The following CDK6 variants were observed in gnomAD, a reference collection of about 807,000 sequenced individuals.
CDK6 encodes cyclin-dependent kinase 6.
A neutral mutation model predicts 37.1 loss-of-function variants in CDK6; 6 were observed. The ratio of observed to expected loss-of-function variants is 0.16; its 90% CI spans 0.09 to 0.32. The LOEUF (loss-of-function observed/expected upper bound fraction) is 0.32, where lower values mean the gene tolerates loss of function less well. Among genes scored for constraint, CDK6 ranks in the 10% least tolerant of loss-of-function variants. The probability of loss-of-function intolerance (pLI) is 1.00; values close to 1 mark genes in which losing one functional copy is unlikely to be tolerated. For missense variants in CDK6, 224 were observed against 418.9 expected (o/e 0.53, Z 4.06); for synonymous variants, 160 against 161.3 (o/e 0.99, Z 0.06).
chr7:92,776,838 A>AT (rs1799863273), intron 2 of CDK6, among the ~76,000 whole-genome samples: 2 of 151,786 alleles, frequency 1.3e-5, no homozygotes, highest in Non-Finnish European at 1.5e-5. Flanking sequence ...GATTGCAAAA[A>AT]TTTTCTCCCA....
At chr7:92,741,715 C>G (rs1798930532) in intron 3 of CDK6, among the ~76,000 whole-genome samples, 1 of 152,044 alleles carries the variant, frequency 6.6e-6, no homozygotes, top group African/African-American at 2.4e-5. Flanking sequence ...TAGTAAGTCT[C>G]TGGTAAAATT....
intron 4 of CDK6, among the ~76,000 whole-genome samples, chr7:92,678,637 T>C (rs1004304108): frequency 6.6e-6 from 1 of 152,222 alleles, no homozygotes; most frequent in Non-Finnish European, 1.5e-5. Flanking sequence ...ATGTACCCTT[T>C]CACCAAGGTC....
chr7:92,798,817 C>T (rs1027371784), intron 2 of CDK6, among the ~76,000 whole-genome samples: 3 of 152,162 alleles, frequency 2.0e-5, no homozygotes, highest in African/African-American at 7.2e-5. Context: ...GCTCCCAATT[C>T]CTCCCTGCTT....
At chr7:92,746,944 G>A (rs1206414093) in intron 3 of CDK6, among the ~76,000 whole-genome samples, 3 of 151,514 alleles carry the variant, frequency 2.0e-5, no homozygotes, top group Non-Finnish European at 4.4e-5. Flanking sequence ...ATTGTATTTT[G>A]TAGAATCTAT....
chr7:92,608,063 G>C lies in CDK6; in HGVS notation c.*7077C>G. ...AGAAACTTTCAAGTAAGGGTACAAC[G>C]GGTATCTTCAGAACTTTAACCTAAG... On this transcript the variant is annotated 3_prime_UTR_variant, in exon 8 of 8. Coordinates refer to ENST00000424848, the MANE Select transcript of CDK6 (RefSeq NM_001145306.2). The C allele has an allele frequency of 4.3e-6, 1 of 233,018 alleles. No individual in the cohort carries two copies. 14.4% of individuals were successfully genotyped at this position (233,018 alleles called of 1,614,324 possible).
At chr7:92,689,693 C>CT (rs1250640870) in intron 4 of CDK6, among the ~76,000 whole-genome samples, 1 of 152,122 alleles carries the variant, frequency 6.6e-6, no homozygotes, top group African/African-American at 2.4e-5. Flanking sequence ...GTCTTTAGGT[C>CT]TTTGAGGAAT....
intron 4 of CDK6, among the ~76,000 whole-genome samples, chr7:92,704,388 G>A (rs1195013273): frequency 1.3e-5 from 2 of 152,072 alleles, no homozygotes; most frequent in Non-Finnish European, 2.9e-5. Context: ...ATAGCTACTT[G>A]GGTGCTCAGA....
intron 2 of CDK6, among the ~76,000 whole-genome samples, chr7:92,810,235 G>T (rs1193604191): frequency 6.6e-6 from 1 of 152,152 alleles, no homozygotes; most frequent in Non-Finnish European, 1.5e-5. Flanking sequence ...CAAATAAACA[G>T]CATGCCTTTG....
intron 4 of CDK6, among the ~76,000 whole-genome samples, chr7:92,687,510 G>C (rs546517514): frequency 3.5e-4 from 53 of 152,312 alleles, no homozygotes; most frequent in African/African-American, 1.3e-3. Context: ...CCATGTGTTT[G>C]TGTAATTCTG....
chr7:92,823,121 C>A (rs1473911247), intron 2 of CDK6, among the ~76,000 whole-genome samples: 1 of 150,980 alleles, frequency 6.6e-6, no homozygotes, highest in African/African-American at 2.4e-5. Context: ...CAAACCTATA[C>A]CATCTTTCCT....
At chr7:92,701,562 CA>C (rs903518408) in intron 4 of CDK6, 2 of 152,232 alleles carry the variant, frequency 1.3e-5, no homozygotes, top group African/African-American at 4.8e-5. Flanking sequence ...CCTGCAACCA[CA>C]CCCGGCTAAT....
intron 5 of CDK6, among the ~76,000 whole-genome samples, chr7:92,667,361 C>A (rs1356060957): frequency 6.6e-6 from 1 of 151,088 alleles, no homozygotes; most frequent in Non-Finnish European, 1.5e-5. Context: ...CCATGTTCAG[C>A]TAATTTTTTA....
At chr7:92,618,999 C>A (rs1795743340) in intron 6 of CDK6, among the ~76,000 whole-genome samples, 1 of 151,996 alleles carries the variant, frequency 6.6e-6, no homozygotes, top group Non-Finnish European at 1.5e-5. Flanking sequence ...CATCTATGAC[C>A]CTTAGTGTCT....
chr7:92,705,077 G>A (rs900517162), intron 4 of CDK6, among the ~76,000 whole-genome samples: 1 of 152,178 alleles, frequency 6.6e-6, no homozygotes, highest in African/African-American at 2.4e-5. Context: ...CATTTACTGT[G>A]ATTAAGAATC....
At chr7:92,618,282 A>G in intron 6 of CDK6, 75 bp from the exon 7 acceptor site, 1 of 1,509,902 alleles carries the variant, frequency 6.6e-7, no homozygotes, top group South Asian at 1.2e-5. Context: ...TTCCAGAGAA[A>G]GGCAAAATCT....
intron 4 of CDK6, among the ~76,000 whole-genome samples, chr7:92,699,720 T>C (rs1035702141): frequency 3.3e-5 from 5 of 152,352 alleles, no homozygotes; most frequent in African/African-American, 9.6e-5. Context: ...ACACAGATGA[T>C]GAAGTCATCA....
At chr7:92,767,776 G>C (rs1799618498) in intron 3 of CDK6, among the ~76,000 whole-genome samples, 1 of 152,042 alleles carries the variant, frequency 6.6e-6, no homozygotes, top group South Asian at 2.1e-4. Flanking sequence ...TGCAGAGTGG[G>C]GAGGGGCAGT....
At chr7:92,797,320 A>G (rs1326287873) in intron 2 of CDK6, among the ~76,000 whole-genome samples, 1 of 152,196 alleles carries the variant, frequency 6.6e-6, no homozygotes, top group Non-Finnish European at 1.5e-5. Context: ...CATGCAAGGG[A>G]GACAATGATT....
chr7:92,722,982 C>T (rs984686606), intron 4 of CDK6, among the ~76,000 whole-genome samples: 3 of 152,112 alleles, frequency 2.0e-5, no homozygotes, highest in African/African-American at 7.2e-5. Flanking sequence ...GTCAGGAGTT[C>T]AAAACCAGCC....
Sources: allele counts gnomAD v4.1 joint callset (sites outside exome capture counted in the v4.1 genomes callset), GRCh38; gene constraint gnomAD v4.1.1; transcripts MANE v1.5; gene names NCBI Gene and HGNC (gene_info 2026-07-23, HGNC 2026-07-21).